The following DOCK9 variants were observed in gnomAD, a reference collection of about 807,000 sequenced individuals.
The protein encoded by DOCK9 is dedicator of cytokinesis 9, also known as dedicator of cytokinesis protein 9.
Under a neutral mutation model 263.3 loss-of-function variants are expected in DOCK9, and 89 were observed. That is an observed-to-expected ratio of 0.34 (90% CI 0.28 to 0.40). The LOEUF (loss-of-function observed/expected upper bound fraction) is 0.40, where lower values mean the gene tolerates loss of function less well. Ranked by LOEUF, DOCK9 falls within the 10% of genes least tolerant of loss-of-function variation. The pLI, the probability that DOCK9 is intolerant of heterozygous loss-of-function variation, is 1.00. For missense variants in DOCK9, 2,140 were observed against 2,603.4 expected (o/e 0.82, Z 3.87); for synonymous variants, 976 against 973.1 (o/e 1.00, Z -0.06).
intron 39 of DOCK9, chr13:98,834,730 T>G (rs1432450042): frequency 2.6e-5 from 4 of 152,254 alleles, no homozygotes; most frequent in Admixed American, 2.6e-4. Flanking sequence ...AACCCTTTTA[T>G]GTACTAAGTG....
chr13:98,884,524 T>C (rs1171609375), intron 21 of DOCK9, among the ~76,000 whole-genome samples: 2 of 152,174 alleles, frequency 1.3e-5, no homozygotes, highest in East Asian at 3.8e-4. Context: ...AACAAAGCAA[T>C]TAAAGAAATC....
chr13:99,010,066 C>T (rs1884212609), intron 1 of DOCK9, among the ~76,000 whole-genome samples: 1 of 151,894 alleles, frequency 6.6e-6, no homozygotes, highest in Non-Finnish European at 1.5e-5. Flanking sequence ...ATTATCCCAA[C>T]ATGTCACAAA....
At position 98,798,643 on chromosome 13, in the gene DOCK9, A is replaced by T. The variant is rs572016860; in HGVS notation, c.5917-1154T>A. On this transcript the variant is annotated intron_variant, in intron 50 of 52. Transcript: ENST00000682017. ...GTCTAATAGCAAGATCTTGGAGTGC[A>T]ATGACAAGAAGCTCCGCAGACGGCT... 5.9e-5 allele frequency among the ~76,000 whole-genome samples: 9 copies of T among 152,374 alleles called. No individual in the cohort carries two copies. In the South Asian group the frequency reaches 1.7e-3, roughly 28 times the overall value.
At position 98,922,146 on chromosome 13, in the gene DOCK9, C is replaced by A; in HGVS notation, c.487G>T (p.Asp163Tyr). ...TTCTGGGAACCAAGGGAGGCAGCAT[C>A]CTAGGAGAGAAGGAAAACACCAGCA... is the stretch of plus-strand genomic sequence containing the variant. Reference protein sequence around the residue: ...EVDEEVDKDEDAASLGSQKGG... With the variant: ...EVDEEVDKDEYAASLGSQKGG... The change falls in exon 6 of 53, where the codon GAT (aspartate) becomes TAT (tyrosine). Residue 163 changes from aspartate (D) to tyrosine (Y), a missense_variant and splice_region_variant. Asp to Tyr is a radical substitution (Grantham distance 160, BLOSUM62 -3). Around this residue, in one of 2 missense-constraint regions of DOCK9, gnomAD observed 1,521 missense variants for 1,741.7 expected, o/e 0.87. Transcript: ENST00000682017. The A allele has an allele frequency of 3.1e-6, 5 of 1,587,804 alleles. No individual in the cohort carries two copies. Among genetic ancestry groups the A allele is most frequent in the Non-Finnish European group, 4.3e-6 (5 of 1,166,594 alleles).
chr13:99,068,402 G>T (rs2041520350), intron 1 of DOCK9, among the ~76,000 whole-genome samples: 1 of 152,162 alleles, frequency 6.6e-6, no homozygotes, highest in African/African-American at 2.4e-5. Flanking sequence ...GGCCAACATG[G>T]AGATAACCCC....
rs2092677601 is a variant in DOCK9 at position 98,829,530 on chromosome 13, A to G, written c.4750-8T>C. ...AGAGGAGAAGCTGGTGTGCTAAAAC[A>G]AGGGTGGAAGAGGAAAGGACACATG... On this transcript the variant is annotated splice_region_variant and splice_polypyrimidine_tract_variant and intron_variant, in intron 42 of 52. Transcript: ENST00000682017. The surrounding 1 kb of genome is among the most constrained non-coding windows in gnomAD (Gnocchi z 4.1). 3 of 1,609,030 alleles carry G rather than the reference A, an allele frequency of 1.9e-6. No homozygotes were observed. Among genetic ancestry groups the G allele is most frequent in the Non-Finnish European group, 2.5e-6 (3 of 1,177,452 alleles).
At chr13:99,015,531 T>C (rs1376547461) in intron 1 of DOCK9, 2 of 1,598,232 alleles carry the variant, frequency 1.3e-6, no homozygotes, top group Non-Finnish European at 1.7e-6. Context: ...CTCCTTGCTG[T>C]TTGCACATAT....
Position 98,867,866 on chromosome 13 carries a change from A to G in DOCK9, c.3174+62T>C, listed in dbSNP as rs1423973430. The G allele has an allele frequency of 4.2e-6, 6 of 1,433,354 alleles. No homozygotes were observed. In the East Asian group the frequency reaches 1.2e-4, roughly 28 times the overall value. The allele number at this position is 1,433,354 out of a possible 1,614,324, so 88.8% of individuals were successfully genotyped here. On this transcript the variant is annotated intron_variant, in intron 29 of 52. Transcript: ENST00000682017. The stretch of plus-strand genomic sequence containing the variant: ...GCTTTAAAAAAAAAAAAGGAAAAAG[A>G]TAATTCTACCAGAGAAAGGCTACAT...
chr13:98,965,044 A>G (rs542603401), intron 1 of DOCK9, among the ~76,000 whole-genome samples: 1 of 152,302 alleles, frequency 6.6e-6, no homozygotes, highest in East Asian at 1.9e-4. Flanking sequence ...GGGGGTACCA[A>G]TGATTAGCTC....
chr13:98,902,250 A>G, intron 12 of DOCK9, 38 bp downstream of exon 12: 1 of 1,605,022 alleles, frequency 6.2e-7, no homozygotes, highest in South Asian at 1.1e-5. Context: ...ATGCAAAGTG[A>G]GTCTGAGTAG....
At chr13:99,040,148 A>G in intron 1 of DOCK9, among the ~76,000 whole-genome samples, 1 of 152,142 alleles carries the variant, frequency 6.6e-6, no homozygotes, top group East Asian at 1.9e-4. Flanking sequence ...TGTTTGCTTC[A>G]TCTCTCCCGC....
intron 1 of DOCK9, among the ~76,000 whole-genome samples, chr13:99,036,326 G>C (rs1326798946): frequency 6.6e-6 from 1 of 152,122 alleles, no homozygotes; most frequent in African/African-American, 2.4e-5. Context: ...AAGTCCTCAT[G>C]AATGGGTAGG....
At chr13:98,999,316 A>ACTCTCTCTCT (rs903855891) in intron 1 of DOCK9, among the ~76,000 whole-genome samples, 10 of 138,350 alleles carry the variant, frequency 7.2e-5, no homozygotes, top group African/African-American at 1.1e-4. Context: ...ACACACACAC[A>ACTCTCTCTCT]CTCTCTCTCT....
rs1354480857 is a variant in DOCK9, at chr13:98,793,916, C to T, written c.*710G>A. On this transcript the variant is annotated 3_prime_UTR_variant, in exon 53 of 53. Transcript: ENST00000682017. ...ATGTAATACATATATGTACAGAATGCCAGGACTGTATTAACAATGATATGT... is the reference window on the plus strand; with the variant it reads ...ATGTAATACATATATGTACAGAATGTCAGGACTGTATTAACAATGATATGT... 6.6e-6 allele frequency: 1 copy of T among 152,568 alleles called. No individual in the cohort carries two copies. Among genetic ancestry groups the T allele is most frequent in the Non-Finnish European group, 1.5e-5 (1 of 68,032 alleles). The allele number at this position is 152,568 out of a possible 1,614,324, so 9.5% of individuals were successfully genotyped here.
At chr13:98,981,119 C>G (rs1167588667), upstream of DOCK9, among the ~76,000 whole-genome samples, 1 of 150,854 alleles carries the variant, frequency 6.6e-6, no homozygotes, top group Admixed American at 6.6e-5. Flanking sequence ...TGCAGTGGTG[C>G]AATCTCAGCT....
At chr13:98,796,697 A>G (rs992779386) in intron 52 of DOCK9, among the ~76,000 whole-genome samples, 1 of 152,262 alleles carries the variant, frequency 6.6e-6, no homozygotes, top group African/African-American at 2.4e-5. Flanking sequence ...TTAAACAGCA[A>G]AAACATTGAA....
intron 4 of DOCK9, among the ~76,000 whole-genome samples, chr13:98,923,776 C>T (rs546183751): frequency 1.3e-5 from 2 of 152,204 alleles, no homozygotes; most frequent in Non-Finnish European, 2.9e-5. Context: ...GACACCAATA[C>T]CAATAAGCAG....
In DOCK9 at chr13:98,883,122, A is replaced by C. The variant is rs953679177; in HGVS notation, c.2479T>G (p.Leu827Val). The change falls in exon 23 of 53, where the codon TTA (leucine) becomes GTA (valine). Residue 827 changes from leucine to valine, a missense_variant. Physicochemically the swap from Leu to Val is conservative, Grantham distance 32. Transcript: ENST00000682017. Reference sequence around the variant, plus strand: ...TGACAGTACTGGAAAAAATTATGTAAATGCTGATCCTGAGGTAGGGAAAAA... The same window carrying C: ...TGACAGTACTGGAAAAAATTATGTACATGCTGATCCTGAGGTAGGGAAAAA... ...VSTVYTQDQH[L>V]HNFFQYCQKT... 5 of 1,613,478 alleles carry C rather than the reference A, an allele frequency of 3.1e-6. No individual in the cohort carries two copies. The African/African-American group carries it at 6.7e-5, about 22-fold the overall frequency.
chr13:98,848,900 A>G (rs1250874436), intron 36 of DOCK9, among the ~76,000 whole-genome samples: 5 of 152,158 alleles, frequency 3.3e-5, no homozygotes, highest in Non-Finnish European at 7.3e-5. Context: ...CACAGCGCAG[A>G]GGCCCACGAC....
Sources: gnomAD v4.1 joint callset for allele counts (sites outside exome capture counted in the v4.1 genomes callset) on GRCh38, gnomAD v4.1.1 for gene constraint, gnomAD v4.1.1 regional missense constraint, Gnocchi (gnomAD v3.1) non-coding constraint, MANE v1.5 for transcripts, NCBI Gene and HGNC (gene_info 2026-07-23, HGNC 2026-07-21) for gene names.